EIF2S3: variants seen among roughly 807,000 people sequenced by gnomAD.
EIF2S3 encodes eukaryotic translation initiation factor 2 subunit gamma.
In EIF2S3, 2 loss-of-function variants were observed where a neutral mutation model predicts 31.7. The observed-to-expected ratio is 0.06, with a 90% CI of 0.03 to 0.20. The LOEUF is 0.20. Among genes scored for constraint, EIF2S3 ranks in the 10% least tolerant of loss-of-function variants. The pLI is 1.00. For missense variants in EIF2S3, 96 were observed against 359.3 expected, an observed-to-expected ratio of 0.27 and a Z score of 5.92; for synonymous variants, 120 against 126.7, an observed-to-expected ratio of 0.95 and a Z score of 0.36.
chrX:24,069,419 A>T (rs1198937802), intron 9 of EIF2S3, among the ~76,000 whole-genome samples: 1 of 107,599 alleles, frequency 9.3e-6, no homozygotes, highest in Non-Finnish European at 1.9e-5. Flanking sequence ...GAAAAAATGA[A>T]TTTACCAGGT....
intron 11 of EIF2S3, among the ~76,000 whole-genome samples, chrX:24,075,996 G>A (rs976022372): frequency 4.5e-5 from 5 of 110,903 alleles, no homozygotes; most frequent in African/African-American, 6.5e-5. Context: ...GAGCCACCCC[G>A]CCCAGCCCTG....
At chrX:24,058,925 A>G (rs1351459777) in intron 4 of EIF2S3, among the ~76,000 whole-genome samples, 3 of 109,098 alleles carry the variant, frequency 2.7e-5, no homozygotes, top group Non-Finnish European at 5.7e-5. Context: ...GGCTTTTGCC[A>G]TGTTGTATAG....
intron 8 of EIF2S3, among the ~76,000 whole-genome samples, chrX:24,066,526 T>TC (rs1555983988): frequency 1.9e-5 from 2 of 107,588 alleles, no homozygotes; most frequent in Non-Finnish European, 3.9e-5. Context: ...TTCTTTTCTT[T>TC]TTTTTTTTTT....
intron 2 of EIF2S3, among the ~76,000 whole-genome samples, 178 bp from the exon 3 acceptor site, chrX:24,057,243 A>C (rs1008823358): frequency 8.9e-6 from 1 of 112,373 alleles, no homozygotes; most frequent in Non-Finnish European, 1.9e-5. Flanking sequence ...GTTGGCCAGG[A>C]TGGTCTTGCT....
chrX:24,063,992 C>T (rs1358595891), intron 6 of EIF2S3, among the ~76,000 whole-genome samples: 3 of 111,727 alleles, frequency 2.7e-5, no homozygotes, highest in African/African-American at 9.7e-5. Context: ...TTTTCTCTTA[C>T]AGGGATTTGT....
intron 6 of EIF2S3, 120 bp from the exon 7 acceptor site, chrX:24,064,081 T>C (rs981495787): frequency 3.1e-6 from 2 of 634,992 alleles, no homozygotes; most frequent in African/African-American, 4.7e-5. Context: ...GTTGCTGACA[T>C]TTATATGGGG....
chrX:24,065,857 G>T, intron 7 of EIF2S3, 141 bp from the exon 8 acceptor site: 1 of 468,365 alleles, frequency 2.1e-6, no homozygotes, highest in Non-Finnish European at 3.6e-6. Flanking sequence ...TTAATCATTG[G>T]AATAATAATA....
chrX:24,076,205 C>T (rs1044994370), intron 11 of EIF2S3, among the ~76,000 whole-genome samples: 2 of 111,751 alleles, frequency 1.8e-5, no homozygotes, highest in Non-Finnish European at 1.9e-5. Flanking sequence ...TACAGACACA[C>T]GACTTCCAGT....
chrX:24,055,740 G>C, intron 2 of EIF2S3, 62 bp downstream of exon 2: 1 of 1,047,508 alleles, frequency 9.5e-7, no homozygotes, highest in Non-Finnish European at 1.3e-6. Context: ...CTCACTTTTT[G>C]TGTGATTACT....
chrX:24,066,157 A>C, intron 8 of EIF2S3, 65 bp downstream of exon 8: 1 of 813,356 alleles, frequency 1.2e-6, no homozygotes, highest in Non-Finnish European at 1.7e-6. Context: ...TGTTTGTTTT[A>C]TCCTTGTCTT....
At chrX:24,068,191 TTACA>T (rs1930607476) in intron 9 of EIF2S3, 83 bp downstream of exon 9, 1 of 936,760 alleles carries the variant, frequency 1.1e-6, no homozygotes, top group Middle Eastern at 2.8e-4. Flanking sequence ...AAGGGACATA[TTACA>T]GATTTTTAAT....
intron 5 of EIF2S3, among the ~76,000 whole-genome samples, chrX:24,061,686 A>G (rs1163627247): frequency 9.0e-6 from 1 of 111,230 alleles, no homozygotes; most frequent in Non-Finnish European, 1.9e-5. Context: ...TTTATAATAC[A>G]CTGTTGGTTA....
rs1321544854 is a variant in EIF2S3, at chrX:24,078,510, T to C, written c.*1725T>C. Reference sequence around the variant, plus strand: ...ATTGATATCTTTAAAAACTCCCCAGTGTTGAGAAACAAATTTAGAGAGTTG... The same window carrying C: ...ATTGATATCTTTAAAAACTCCCCAGCGTTGAGAAACAAATTTAGAGAGTTG... On this transcript the variant is annotated 3_prime_UTR_variant, in exon 12 of 12. Coordinates refer to ENST00000253039, the MANE Select transcript of EIF2S3 (RefSeq NM_001415.4). Among the ~76,000 whole-genome samples the C allele has an allele frequency of 9.0e-6, 1 of 111,452 alleles. No homozygotes were observed. The highest frequency in any genetic ancestry group is 1.9e-5 in the Non-Finnish European group (1 of 53,118).
At position 24,075,541 on chromosome X, in the gene EIF2S3, A is replaced by G. The variant is rs529081191; in HGVS notation, c.1356-1181A>G. ...AAATTAGTCTTCTTAAAACATTTTC[A>G]TCATGCTGTGTTTAATAATTTCTAG... On this transcript the variant is annotated intron_variant, in intron 11 of 11. Transcript: ENST00000253039. 1.7e-4 allele frequency among the ~76,000 whole-genome samples: 19 copies of G among 111,482 alleles called. No individual in the cohort carries two copies. The Middle Eastern group carries it at 0.014, about 81-fold the overall frequency.
At chrX:24,069,652 T>C (rs1178420049) in intron 9 of EIF2S3, among the ~76,000 whole-genome samples, 1 of 105,168 alleles carries the variant, frequency 9.5e-6, no homozygotes, top group African/African-American at 3.6e-5. Flanking sequence ...CTGGAAACTT[T>C]TTAAAAATTT....
At position 24,072,220 on chromosome X, in the gene EIF2S3, T is replaced by A. The variant is rs760050108; in HGVS notation, c.1182+493T>A. ...TGGCAGTTAGTTTAAGAAAGAAACTTAATAAACAGGGAAAAGTATTAGCCA... is the reference window on the plus strand; with the variant it reads ...TGGCAGTTAGTTTAAGAAAGAAACTAAATAAACAGGGAAAAGTATTAGCCA... On this transcript the variant is annotated intron_variant, in intron 10 of 11. Coordinates refer to ENST00000253039, the MANE Select transcript of EIF2S3 (RefSeq NM_001415.4). Among the ~76,000 whole-genome samples, 9 of 111,641 alleles carry A rather than the reference T, an allele frequency of 8.1e-5. No individual in the cohort carries two copies. In the East Asian group the frequency reaches 2.5e-3, roughly 31 times the overall value.
In EIF2S3 at chrX:24,078,350, G is replaced by A. The variant is rs539509978; in HGVS notation, c.*1565G>A. 4.1e-4 allele frequency among the ~76,000 whole-genome samples: 45 copies of A among 110,091 alleles called. No homozygotes were observed. Among genetic ancestry groups the A allele is most frequent in the African/African-American group, 1.4e-3 (43 of 30,417 alleles). On this transcript the variant is annotated 3_prime_UTR_variant, in exon 12 of 12. Coordinates refer to ENST00000253039, the MANE Select transcript of EIF2S3 (RefSeq NM_001415.4). Reference sequence around the variant, plus strand: ...TTATTTTTCTTTATGTTTTTGCTTCGTAAGAGGTTCTGTTGAGCAGTGATT... The same window carrying A: ...TTATTTTTCTTTATGTTTTTGCTTCATAAGAGGTTCTGTTGAGCAGTGATT...
At chrX:24,074,028 C>T (rs1022400853) in intron 11 of EIF2S3, among the ~76,000 whole-genome samples, 35 of 112,041 alleles carry the variant, frequency 3.1e-4, no homozygotes, top group Non-Finnish European at 7.5e-5. Flanking sequence ...AAAGGATATT[C>T]TTATGTAACC....
chrX:24,061,508 G>A (rs1188711113), intron 5 of EIF2S3, among the ~76,000 whole-genome samples: 1 of 109,170 alleles, frequency 9.2e-6, no homozygotes, highest in African/African-American at 3.3e-5. Context: ...GCAGTGAGCC[G>A]AGGTGACGCC....
Sources: gnomAD v4.1 joint callset for allele counts (sites outside exome capture counted in the v4.1 genomes callset) on GRCh38, gnomAD v4.1.1 for gene constraint, MANE v1.5 for transcripts, NCBI Gene and HGNC (gene_info 2026-07-23, HGNC 2026-07-21) for gene names.